Variants in PMP22 observed in about 807,000 individuals in gnomAD.
The protein encoded by PMP22 is Charcot-Marie-Tooth neuropathy 1A (greatly reduced nerve conduction velocity, hereditary motor sensory neuropathy Ia).
A neutral mutation model predicts 18.9 loss-of-function variants in PMP22; 2 were observed. The ratio of observed to expected loss-of-function variants is 0.11; its 90% CI spans 0.04 to 0.33. The LOEUF is 0.33. PMP22 is among the 10% of genes least tolerant of loss of function. The pLI is 1.00. For synonymous variants in PMP22, 95 were observed against 89.2 expected (o/e 1.07, Z -0.37); for missense variants, 169 against 202.2 (o/e 0.84, Z 1.00).
chr17:15,251,283 ATT>A (rs1371308419), intron 3 of PMP22, among the ~76,000 whole-genome samples: 1 of 152,012 alleles, frequency 6.6e-6, no homozygotes, highest in African/African-American at 2.4e-5. Context: ...GGATCACCCT[ATT>A]TGTTTCCTGC....
chr17:15,259,186 A>C lies in PMP22; in HGVS notation c.86T>G (p.Ile29Ser). The C allele has an allele frequency of 6.2e-7, 1 of 1,611,454 alleles. No individual in the cohort carries two copies. Among genetic ancestry groups the C allele is most frequent in the South Asian group, 1.1e-5 (1 of 91,012 alleles). ...LFVSTIVSQWIVGNGHATDLW... is the reference protein window; with the variant it reads ...LFVSTIVSQWSVGNGHATDLW... Reference sequence around the variant, plus strand: ...ATCAGTTGCGTGTCCATTGCCCACGATCCATTGCTAGAGAGAATCAGATAG... The same window carrying C: ...ATCAGTTGCGTGTCCATTGCCCACGCTCCATTGCTAGAGAGAATCAGATAG... Residue 29 changes from isoleucine to serine, a missense_variant, in exon 3 of 5, where the codon ATC becomes AGC. By Grantham distance (142) the Ile-to-Ser change is moderately radical. Transcript: ENST00000312280.
At position 15,258,427 on chromosome 17, in the gene PMP22, T is replaced by C. The variant is rs894800773; in HGVS notation, c.178+667A>G. Among the ~76,000 whole-genome samples the C allele has an allele frequency of 6.6e-6, 1 of 152,130 alleles. No homozygotes were observed. The highest frequency in any genetic ancestry group is 1.5e-5 in the Non-Finnish European group (1 of 68,030). ...CTTCTGCTGCCAATTATCCCTTAAT[T>C]TGACCCTCATGAAGCCTGGCTTCCA... On this transcript the variant is annotated intron_variant, in intron 3 of 4. Transcript: ENST00000312280. This position sits in a 1 kb window ranked among gnomAD's most constrained non-coding sequence, Gnocchi z 4.1.
At chr17:15,238,775 T>C (rs1318132759) in intron 4 of PMP22, among the ~76,000 whole-genome samples, 2 of 152,244 alleles carry the variant, frequency 1.3e-5, no homozygotes, top group Non-Finnish European at 2.9e-5. Context: ...CTGCACACTA[T>C]GCATATTAAT....
intron 3 of PMP22, among the ~76,000 whole-genome samples, chr17:15,256,220 T>C (rs1908813710): frequency 6.6e-6 from 1 of 152,196 alleles, no homozygotes; most frequent in African/African-American, 2.4e-5. Flanking sequence ...CTACACAACC[T>C]AGATGTTAGA....
chr17:15,237,870 T>C (rs1470495414), intron 4 of PMP22, among the ~76,000 whole-genome samples: 5 of 152,332 alleles, frequency 3.3e-5, no homozygotes, highest in Admixed American at 2.6e-4. Context: ...TCATCGCTTA[T>C]GAAACTAACA....
chr17:15,245,372 G>A lies in PMP22; in HGVS notation c.179-5761C>T, dbSNP rs147310387. ...CAAGGTAAGGGTCCCGTGTGAGCACGTGCAAAGCCTGACTCTCTCCAGCAT... is the reference window on the plus strand; with the variant it reads ...CAAGGTAAGGGTCCCGTGTGAGCACATGCAAAGCCTGACTCTCTCCAGCAT... On this transcript the variant is annotated intron_variant, in intron 3 of 4. Coordinates refer to ENST00000312280, the MANE Select transcript of PMP22 (RefSeq NM_000304.4). Among the ~76,000 whole-genome samples, 29 of 152,312 alleles carry A rather than the reference G, an allele frequency of 1.9e-4. No individual in the cohort carries two copies. The East Asian group carries it at 2.1e-3, about 11-fold the overall frequency.
At position 15,258,680 on chromosome 17, in the gene PMP22, C is replaced by G. The variant is rs1297313303; in HGVS notation, c.178+414G>C. On this transcript the variant is annotated intron_variant, in intron 3 of 4. Coordinates refer to ENST00000312280, the MANE Select transcript of PMP22 (RefSeq NM_000304.4). This position sits in a 1 kb window ranked among gnomAD's most constrained non-coding sequence, Gnocchi z 4.1. ...GTGCAGTGAGCTAGCCCCACTGTCA[C>G]TGCAGCAGAAAGGGGCAGGACATTT... 1 of 304,310 alleles carries G rather than the reference C, an allele frequency of 3.3e-6. No homozygotes were observed. The highest frequency in any genetic ancestry group is 6.5e-6 in the Non-Finnish European group (1 of 154,608). The allele number at this position is 304,310 out of a possible 1,614,324, so 18.9% of individuals were successfully genotyped here. A position where few individuals can be genotyped will look rare whatever the true frequency, so the allele number is the denominator to read the frequency against.
chr17:15,261,946 C>T lies in PMP22; in HGVS notation c.-34-1185G>A, dbSNP rs955897124. ...TTGGAAAGTACCCAATCCCAGGCCC[C>T]TCTGTTCCTCTCCACAAGCATCACA... On this transcript the variant is annotated intron_variant, in intron 1 of 4. Transcript: ENST00000312280. The surrounding 1 kb of genome is among the most constrained non-coding windows in gnomAD (Gnocchi z 5.2). 1 of 152,246 alleles carries T rather than the reference C, an allele frequency of 6.6e-6. No individual in the cohort carries two copies. Among genetic ancestry groups the T allele is most frequent in the Non-Finnish European group, 1.5e-5 (1 of 68,074 alleles). The allele number at this position is 152,246 out of a possible 1,614,324, so 9.4% of individuals were successfully genotyped here. A position where few individuals can be genotyped will look rare whatever the true frequency, so the allele number is the denominator to read the frequency against.
intron 1 of PMP22, 28 bp from the exon 2 acceptor site, chr17:15,260,789 C>G: frequency 7.1e-7 from 1 of 1,417,014 alleles, no homozygotes; most frequent in Non-Finnish European, 9.8e-7. Flanking sequence ...GGCGTGAGGC[C>G]GAACGCACTG....
In PMP22 at chr17:15,261,269, A is replaced by C. The variant is rs949505310; in HGVS notation, c.-34-508T>G. ...ACAGCCGTGGCATGCGGTGGGGGAG[A>C]CAGCGGCGAGGAGGCTGGTTTCCCA... On this transcript the variant is annotated intron_variant, in intron 1 of 4. Transcript: ENST00000312280. The surrounding 1 kb of genome is among the most constrained non-coding windows in gnomAD (Gnocchi z 5.2). 1.3e-5 allele frequency: 2 copies of C among 152,656 alleles called. No homozygotes were observed. Among genetic ancestry groups the C allele is most frequent in the African/African-American group, 4.8e-5 (2 of 41,366 alleles). 9.5% of individuals were successfully genotyped at this position (152,656 alleles called of 1,614,324 possible).
chr17:15,263,089 T>C (rs945751016), intron 1 of PMP22, among the ~76,000 whole-genome samples: 14 of 152,202 alleles, frequency 9.2e-5, no homozygotes, highest in African/African-American at 3.1e-4. Context: ...TCCCCGCTAT[T>C]ACTGTCTGCA....
intron 2 of PMP22, among the ~76,000 whole-genome samples, 154 bp from the exon 3 acceptor site, chr17:15,259,347 A>G (rs1300133412): frequency 6.6e-6 from 1 of 152,218 alleles, no homozygotes; most frequent in Non-Finnish European, 1.5e-5. Flanking sequence ...TTTATGACTT[A>G]AAAGCACCTT....
rs1211323167 is a variant in PMP22, at chr17:15,261,085, C to T, written c.-34-324G>A. On this transcript the variant is annotated intron_variant, in intron 1 of 4. Coordinates refer to ENST00000312280, the MANE Select transcript of PMP22 (RefSeq NM_000304.4). This position sits in a 1 kb window ranked among gnomAD's most constrained non-coding sequence, Gnocchi z 5.2. ...GTTTCCAGAAAATATGAGCAGAGGC[C>T]ACTGCACGCTTCCACCCACCCCAAG... The T allele has an allele frequency of 1.2e-5, 2 of 170,970 alleles. No individual in the cohort carries two copies. The highest frequency in any genetic ancestry group is 3.5e-4 in the East Asian group (2 of 5,708). 10.6% of individuals were successfully genotyped at this position (170,970 alleles called of 1,614,324 possible).
chr17:15,238,187 C>T (rs1376016601), intron 4 of PMP22, among the ~76,000 whole-genome samples: 1 of 152,164 alleles, frequency 6.6e-6, no homozygotes, highest in Non-Finnish European at 1.5e-5. Flanking sequence ...TAGCAAAGCA[C>T]TGTCTGGTTT....
intron 2 of PMP22, 169 bp downstream of exon 2, chr17:15,260,481 C>G (rs1475580989): frequency 2.9e-6 from 2 of 688,018 alleles, no homozygotes; most frequent in African/African-American, 1.8e-5. Context: ...AATCTGCTCT[C>G]GTTTTCTCAA....
intron 1 of PMP22, 187 bp from the exon 2 acceptor site, chr17:15,260,948 A>ACCAGCGCCCAGTGC (rs982077740): frequency 5.4e-6 from 2 of 372,880 alleles, no homozygotes; most frequent in African/African-American, 4.3e-5. Flanking sequence ...CGCCTGCAGG[A>ACCAGCGCCCAGTGC]CCAGCGCCCA....
rs145543166 is a variant in PMP22 at position 15,252,206 on chromosome 17, CT to C, written c.178+6887del. Among the ~76,000 whole-genome samples, 1,347 of 152,282 alleles carry C rather than the reference CT, an allele frequency of 8.8e-3. 14 individuals are homozygous for C. The highest frequency in any genetic ancestry group is 0.031 in the African/African-American group (1,278 of 41,552). ...ACAGACAAGGAAATTGTCTGGTGTCCTTGCCAAAATGACAGTGTCACCAAAT... is the reference window on the plus strand; with the variant it reads ...ACAGACAAGGAAATTGTCTGGTGTCCTGCCAAAATGACAGTGTCACCAAAT... On this transcript the variant is annotated intron_variant, in intron 3 of 4. Coordinates refer to ENST00000312280, the MANE Select transcript of PMP22 (RefSeq NM_000304.4).
chr17:15,242,721 A>T (rs59723054), intron 3 of PMP22, among the ~76,000 whole-genome samples: 9,898 of 152,290 alleles, frequency 0.065, 486 homozygotes, highest in East Asian at 0.17. Context: ...GTCCTAATAG[A>T]TGTATAGAAA....
intron 3 of PMP22, among the ~76,000 whole-genome samples, chr17:15,246,118 C>T (rs1167854595): frequency 1.3e-5 from 2 of 152,132 alleles, no homozygotes; most frequent in South Asian, 2.1e-4. Context: ...TTTGATACAA[C>T]TTTGGTATCA....
Sources: gnomAD v4.1 joint callset for allele counts (sites outside exome capture counted in the v4.1 genomes callset) on GRCh38, gnomAD v4.1.1 for gene constraint, Gnocchi (gnomAD v3.1) non-coding constraint, MANE v1.5 for transcripts, NCBI Gene and HGNC (gene_info 2026-07-23, HGNC 2026-07-21) for gene names.